Variants in STK3 observed in about 807,000 individuals in gnomAD.
STK3 encodes serine/threonine kinase 3.
In STK3, 41 loss-of-function variants were observed where a neutral mutation model predicts 58.0. The ratio of observed to expected loss-of-function variants is 0.71; its 90% CI spans 0.55 to 0.92. The LOEUF is 0.92. STK3 is among the 40% of genes least tolerant of loss of function. The probability of loss-of-function intolerance (pLI) is 0.00; values close to 1 mark genes in which losing one functional copy is unlikely to be tolerated. For synonymous variants in STK3, 170 were observed against 191.0 expected, an observed-to-expected ratio of 0.89 and a Z score of 0.91; for missense variants, 479 against 602.7, an observed-to-expected ratio of 0.79 and a Z score of 2.15.
chr8:98,500,391 C>A (rs1823483567), intron 10 of STK3, among the ~76,000 whole-genome samples: 2 of 152,028 alleles, frequency 1.3e-5, no homozygotes, highest in Admixed American at 6.6e-5. Flanking sequence ...ACTTTAAGTT[C>A]TAGGGTACAT....
intron 1 of STK3, chr8:98,437,511 G>C (rs1009586385): frequency 6.6e-6 from 1 of 152,202 alleles, no homozygotes; most frequent in African/African-American, 2.4e-5. Flanking sequence ...ACAGAATTGG[G>C]GTTCTTGGGG....
intron 3 of STK3, among the ~76,000 whole-genome samples, chr8:98,422,696 C>A (rs1185628884): frequency 6.6e-6 from 1 of 152,148 alleles, no homozygotes; most frequent in East Asian, 1.9e-4. Context: ...CAGGCCCTGC[C>A]CTAAGACCTG....
chr8:98,740,756 A>T (rs951331226), intron 4 of STK3, among the ~76,000 whole-genome samples: 30 of 152,334 alleles, frequency 2.0e-4, no homozygotes, highest in African/African-American at 7.2e-4. Flanking sequence ...ATTAACTTTA[A>T]ATGTAAATGG....
chr8:98,911,727 C>T (rs963740733), intron 1 of STK3, among the ~76,000 whole-genome samples: 3 of 151,968 alleles, frequency 2.0e-5, no homozygotes, highest in African/African-American at 4.8e-5. Flanking sequence ...CCAAAACAAT[C>T]GTGTTAGTAT....
intron 1 of STK3, among the ~76,000 whole-genome samples, chr8:98,780,717 G>T (rs573790759): frequency 5.9e-4 from 90 of 151,930 alleles, no homozygotes; most frequent in African/African-American, 2.1e-3. Flanking sequence ...TCATCTAAAA[G>T]TAGATTTCCG....
intron 3 of STK3, among the ~76,000 whole-genome samples, chr8:98,421,771 G>A (rs1818177065): frequency 6.6e-6 from 1 of 152,106 alleles, no homozygotes; most frequent in African/African-American, 2.4e-5. Context: ...GGAAGACTCT[G>A]TCTCAAAAAT....
intron 8 of STK3, among the ~76,000 whole-genome samples, chr8:98,550,984 C>T (rs1811122045): frequency 6.6e-6 from 1 of 152,144 alleles, no homozygotes. Context: ...ATTTCAATGT[C>T]TTCTATGGAC....
Position 98,522,545 on chromosome 8 carries a change from T to G in STK3, c.1317+4197A>C, listed in dbSNP as rs138115408. On this transcript the variant is annotated intron_variant, in intron 10 of 10. Coordinates refer to ENST00000419617, the MANE Select transcript of STK3 (RefSeq NM_006281.4). Reference sequence around the variant, plus strand: ...TCTTTCCCCTCTTCTCTTATGCATTTTTTATGCAAAAAAATGCATAACACA... The same window carrying G: ...TCTTTCCCCTCTTCTCTTATGCATTGTTTATGCAAAAAAATGCATAACACA... Among the ~76,000 whole-genome samples the G allele has an allele frequency of 2.0e-3, 307 of 152,234 alleles. 3 individuals carry two copies. Among genetic ancestry groups the G allele is most frequent in the Non-Finnish European group, 3.0e-3 (201 of 68,004 alleles).
intron 4 of STK3, among the ~76,000 whole-genome samples, chr8:98,731,440 C>T (rs945320622): frequency 6.6e-6 from 1 of 152,120 alleles, no homozygotes; most frequent in African/African-American, 2.4e-5. Flanking sequence ...ATTCAGGGGG[C>T]CGGGCGCAGT....
chr8:98,391,836 T>C (rs1036687173), upstream of STK3, among the ~76,000 whole-genome samples: 2 of 152,228 alleles, frequency 1.3e-5, no homozygotes, highest in African/African-American at 4.8e-5. Context: ...TATGTGCCTC[T>C]GAAGATGTGC....
At chr8:98,608,936 T>A (rs1331778201) in intron 6 of STK3, among the ~76,000 whole-genome samples, 1 of 152,218 alleles carries the variant, frequency 6.6e-6, no homozygotes, top group Non-Finnish European at 1.5e-5. Flanking sequence ...AGTAATAAAT[T>A]GGAATTTTGA....
At chr8:98,702,424 C>T (rs957505204) in intron 6 of STK3, among the ~76,000 whole-genome samples, 3 of 152,278 alleles carry the variant, frequency 2.0e-5, no homozygotes, top group African/African-American at 7.2e-5. Flanking sequence ...CAGACTATGA[C>T]ACCCTAAATA....
rs566231188 is a variant in STK3 at position 98,706,781 on chromosome 8, T to C, written c.517-147A>G. ...ATTTTGCTAAAATTTCAACTAGTTATGACATACTTAGGAATTCCGAATTCT... is the reference window on the plus strand; with the variant it reads ...ATTTTGCTAAAATTTCAACTAGTTACGACATACTTAGGAATTCCGAATTCT... On this transcript the variant is annotated intron_variant, in intron 5 of 10. Coordinates refer to ENST00000419617, the MANE Select transcript of STK3 (RefSeq NM_006281.4). 1.2e-5 allele frequency: 12 copies of C among 964,620 alleles called. No individual in the cohort carries two copies. The Admixed American group carries it at 2.6e-4, about 21-fold the overall frequency. The allele number at this position is 964,620 out of a possible 1,614,324, so 59.8% of individuals were successfully genotyped here.
chr8:98,514,837 G>A (rs1422184664), intron 10 of STK3, among the ~76,000 whole-genome samples: 2 of 152,018 alleles, frequency 1.3e-5, no homozygotes, highest in African/African-American at 2.4e-5. Flanking sequence ...ATGTCCTCCA[G>A]ACACTGAAAA....
intron 6 of STK3, among the ~76,000 whole-genome samples, chr8:98,686,398 TCA>T (rs1824003867): frequency 6.6e-6 from 1 of 152,162 alleles, no homozygotes; most frequent in Non-Finnish European, 1.5e-5. Flanking sequence ...CAATATTAAA[TCA>T]AAAATAATTT....
chr8:98,555,056 C>T (rs1255226005), intron 8 of STK3, among the ~76,000 whole-genome samples: 1 of 152,032 alleles, frequency 6.6e-6, no homozygotes, highest in Non-Finnish European at 1.5e-5. Flanking sequence ...CAATCAGTGG[C>T]CATCATGTGC....
At chr8:98,883,498 A>T, downstream of STK3, 6 of 580,440 alleles carry the variant, frequency 1.0e-5, no homozygotes, top group Non-Finnish European at 1.5e-5. Context: ...ACTCTTCTGT[A>T]TTACTGAAGT....
intron 6 of STK3, among the ~76,000 whole-genome samples, chr8:98,610,697 C>G (rs1164066869): frequency 6.6e-6 from 1 of 152,176 alleles, no homozygotes; most frequent in African/African-American, 2.4e-5. Flanking sequence ...GATCCTGGGT[C>G]TGCAGAGCAT....
At chr8:98,795,096 AAAAAAAAATATAT>A (rs1240043202) in intron 1 of STK3, among the ~76,000 whole-genome samples, 5 of 61,366 alleles carry the variant, frequency 8.1e-5, no homozygotes, top group African/African-American at 2.1e-4. Context: ...AAAAAAAAAA[AAAAAAAAATATAT>A]ATATATATAT....
Sources: gnomAD v4.1 joint callset for allele counts (sites outside exome capture counted in the v4.1 genomes callset) on GRCh38, gnomAD v4.1.1 for gene constraint, MANE v1.5 for transcripts, NCBI Gene and HGNC (gene_info 2026-07-23, HGNC 2026-07-21) for gene names.